The following AP3B2 variants were observed in gnomAD, a reference collection of about 807,000 sequenced individuals.
AP3B2 encodes the protein adaptor related protein complex 3 subunit beta 2, also known as AP-3 complex subunit beta-2.
Under a neutral mutation model 126.9 loss-of-function variants are expected in AP3B2, and 50 were observed. The observed-to-expected ratio is 0.39, with a 90% CI of 0.31 to 0.50. The LOEUF (loss-of-function observed/expected upper bound fraction) is 0.50. Ranked by LOEUF, AP3B2 falls within the 20% of genes least tolerant of loss-of-function variation. The pLI is 0.79. For synonymous variants in AP3B2, 541 were observed against 565.0 expected, an observed-to-expected ratio of 0.96 and a Z score of 0.60; for missense variants, 1,177 against 1,426.4, an observed-to-expected ratio of 0.83 and a Z score of 2.82.
chr15:82,697,359 A>C (rs2048645538), intron 1 of AP3B2, among the ~76,000 whole-genome samples: 1 of 152,084 alleles, frequency 6.6e-6, no homozygotes, highest in Non-Finnish European at 1.5e-5. Flanking sequence ...AAAAAAAATC[A>C]ATGTGTGCAA....
chr15:82,665,223 G>C lies in AP3B2; in HGVS notation c.2028+24C>G. 6.5e-7 allele frequency: 1 copy of C among 1,535,694 alleles called. No individual in the cohort carries two copies. On this transcript the variant is annotated intron_variant, in intron 17 of 26. Transcript: ENST00000535359. The surrounding 1 kb of genome is among the most constrained non-coding windows in gnomAD (Gnocchi z 4.4). ...GGACACAGACAGGGCAGGGGAGAGA[G>C]CACACGTCACACGAAGGTGGGACCT... is the stretch of plus-strand genomic sequence containing the variant.
In AP3B2 at chr15:82,664,518, C is replaced by T. The variant is rs188545711; in HGVS notation, c.2138-28G>A. ...GTGGAGGAACAATATGAGGCCTCCT[C>T]CCTCATATGCAGGCCTCCTTGGGTC... On this transcript the variant is annotated intron_variant, in intron 18 of 26. Coordinates refer to ENST00000535359, the MANE Select transcript of AP3B2 (RefSeq NM_001278512.2). This position sits in a 1 kb window ranked among gnomAD's most constrained non-coding sequence, Gnocchi z 4.5. The T allele has an allele frequency of 1.5e-4, 247 of 1,600,610 alleles. 2 individuals carry two copies. The highest frequency in any genetic ancestry group is 6.9e-5 in the Admixed American group (4 of 57,722).
chr15:82,682,926 A>G (rs1445386555), intron 4 of AP3B2, among the ~76,000 whole-genome samples: 1 of 40,646 alleles, frequency 2.5e-5, no homozygotes, highest in Non-Finnish European at 8.3e-5. Flanking sequence ...AGTCTCTACA[A>G]AAAAAAAAAA....
chr15:82,661,928 A>T lies in AP3B2; in HGVS notation c.2919-6T>A, dbSNP rs1411611944. On this transcript the variant is annotated splice_region_variant and splice_polypyrimidine_tract_variant and intron_variant, in intron 24 of 26. Transcript: ENST00000535359. The stretch of plus-strand genomic sequence containing the variant: ...AGAACTGTCGGGTCTGGGTGCTGGG[A>T]GGGGTGGGAGGAAACGGAGAAGAAT... 8.7e-6 allele frequency: 14 copies of T among 1,606,786 alleles called. No individual in the cohort carries two copies. The East Asian group carries it at 1.6e-4, about 18-fold the overall frequency.
Position 82,688,440 on chromosome 15 carries a change from C to G in AP3B2, c.360+296G>C, listed in dbSNP as rs575777863. On this transcript the variant is annotated intron_variant, in intron 4 of 26. Transcript: ENST00000535359. ...TTGAGGGGTTCTCCATTGCTAGAGA[C>G]TCTCCACTCTCCGGGGGCTCAAGTG... The G allele has an allele frequency of 7.1e-6, 5 of 701,970 alleles. No individual in the cohort carries two copies. In the East Asian group the frequency reaches 1.3e-4, roughly 19 times the overall value. 43.5% of individuals were successfully genotyped at this position (701,970 alleles called of 1,614,324 possible).
At position 82,659,687 on chromosome 15, in the gene AP3B2, C is replaced by A; in HGVS notation, c.3179G>T (p.Gly1060Val). 1 of 1,613,900 alleles carries A rather than the reference C, an allele frequency of 6.2e-7. No individual in the cohort carries two copies. Among genetic ancestry groups the A allele is most frequent in the Non-Finnish European group, 8.5e-7 (1 of 1,179,858 alleles). ...EYRFAGRTLT[G>V]GSLVLLTLDA... ...CAGGGTCAGCAGAACGAGGCTTCCACCAGTCAGTGTCCTCCCTGCAAACCT... is the reference window on the plus strand; with the variant it reads ...CAGGGTCAGCAGAACGAGGCTTCCAACAGTCAGTGTCCTCCCTGCAAACCT... Residue 1060 changes from glycine (G) to valine (V), a missense_variant, in exon 27 of 27, where the codon GGT becomes GTT. This residue lies in a region of AP3B2 where 587 missense variants were observed against 571.3 expected (regional missense o/e 1.03). Coordinates refer to ENST00000535359, the MANE Select transcript of AP3B2 (RefSeq NM_001278512.2).
intron 22 of AP3B2, 44 bp from the exon 23 acceptor site, chr15:82,662,966 G>C: frequency 6.3e-6 from 10 of 1,581,916 alleles, no homozygotes; most frequent in Non-Finnish European, 8.6e-6. Flanking sequence ...GCAAGATGGA[G>C]AGAGCCTGTC....
At position 82,662,232 on chromosome 15, in the gene AP3B2, A is replaced by G. The variant is rs1438891892; in HGVS notation, c.2854T>C (p.Ser952Pro). ...TTAATGCCCATTACAGCAGTGGCAG[A>G]TTCTCCAGGTGCCAGGGACTCTGAA... ...PEIESLAPGESATAVMGINFC... is the reference protein window; with the variant it reads ...PEIESLAPGEPATAVMGINFC... The change falls in exon 24 of 27, where the codon TCT becomes CCT. Residue 952 changes from serine (S) to proline (P), a missense_variant. Physicochemically the swap from Ser to Pro is moderately conservative, Grantham distance 74. Around this residue, in one of 5 missense-constraint regions of AP3B2, gnomAD observed 587 missense variants for 571.3 expected, o/e 1.03. Transcript: ENST00000535359. 1 of 1,600,364 alleles carries G rather than the reference A, an allele frequency of 6.2e-7. No individual in the cohort carries two copies. Among genetic ancestry groups the G allele is most frequent in the East Asian group, 2.2e-5 (1 of 44,574 alleles).
At chr15:82,670,118 G>A (rs1444823293) in intron 14 of AP3B2, among the ~76,000 whole-genome samples, 1 of 136,380 alleles carries the variant, frequency 7.3e-6, no homozygotes, top group South Asian at 2.4e-4. Context: ...TTTTTGGCGG[G>A]GGGGGACGAA....
chr15:82,663,370 A>G, intron 21 of AP3B2, 137 bp from the exon 22 acceptor site: 1 of 968,474 alleles, frequency 1.0e-6, no homozygotes, highest in Non-Finnish European at 1.6e-6. Context: ...CTCGCAAAAT[A>G]CCCATTCCTA....
intron 14 of AP3B2, among the ~76,000 whole-genome samples, chr15:82,668,968 A>G (rs547416433): frequency 3.9e-5 from 6 of 152,362 alleles, no homozygotes; most frequent in African/African-American, 1.2e-4. Context: ...CTGTTAAAAA[A>G]AATTGAAATA....
In AP3B2 at chr15:82,681,159, C is replaced by T. The variant is rs759379257; in HGVS notation, c.541G>A (p.Asp181Asn). ...KLYSLDSDQKDQLIEVIEKLL... is the reference protein window; with the variant it reads ...KLYSLDSDQKNQLIEVIEKLL... The stretch of plus-strand genomic sequence containing the variant: ...TTCTCAATGACTTCTATCAGCTGAT[C>T]CTTCTGGTCAGAGTCCAAACTGAGG... The change falls in exon 6 of 27, where the codon GAT becomes AAT. Residue 181 changes from aspartate (D) to asparagine (N), a missense_variant. By Grantham distance (23) the Asp-to-Asn change is conservative. Transcript: ENST00000535359. The surrounding 1 kb of genome is among the most constrained non-coding windows in gnomAD (Gnocchi z 4.0). The T allele has an allele frequency of 1.9e-6, 3 of 1,612,538 alleles. No individual in the cohort carries two copies. Among genetic ancestry groups the T allele is most frequent in the African/African-American group, 1.3e-5 (1 of 75,006 alleles).
In AP3B2 at chr15:82,681,655, G is replaced by GTCACTGTCCCCAGCGA. The variant is rs1481006850; in HGVS notation, c.361-91_361-76dup. On this transcript the variant is annotated intron_variant, in intron 4 of 26. Transcript: ENST00000535359. This position sits in a 1 kb window ranked among gnomAD's most constrained non-coding sequence, Gnocchi z 4.0. ...ATGGGGGGAGGCCACACCTTTGGAAGTCACTGTCCCCAGCGACCACTAGCT... is the reference window on the plus strand; with the variant it reads ...ATGGGGGGAGGCCACACCTTTGGAAGTCACTGTCCCCAGCGATCACTGTCCCCAGCGACCACTAGCT... 249 of 1,496,782 alleles carry GTCACTGTCCCCAGCGA rather than the reference G, an allele frequency of 1.7e-4. No homozygotes were observed. The highest frequency in any genetic ancestry group is 3.8e-4 in the Admixed American group (20 of 52,654). 92.7% of individuals were successfully genotyped at this position (1,496,782 alleles called of 1,614,324 possible).
At chr15:82,708,996 A>G (rs944148622) in intron 1 of AP3B2, 2 of 152,372 alleles carry the variant, frequency 1.3e-5, no homozygotes, top group Non-Finnish European at 2.9e-5. Context: ...ATTTACGAAT[A>G]AACAAATGAA....
At chr15:82,707,867 A>G (rs1349647831) in intron 1 of AP3B2, among the ~76,000 whole-genome samples, 2 of 151,198 alleles carry the variant, frequency 1.3e-5, no homozygotes, top group Non-Finnish European at 2.9e-5. Flanking sequence ...AATCTCTCCC[A>G]CTCTAGGTTC....
intron 4 of AP3B2, among the ~76,000 whole-genome samples, chr15:82,683,059 T>G (rs1170479648): frequency 8.3e-6 from 1 of 120,762 alleles, no homozygotes; most frequent in East Asian, 2.1e-4. Flanking sequence ...TTTTTTTTTT[T>G]TTTTTTTTTT....
intron 10 of AP3B2, 78 bp downstream of exon 10, chr15:82,679,651 G>T: frequency 2.2e-6 from 3 of 1,349,752 alleles, no homozygotes; most frequent in African/African-American, 2.9e-5. Flanking sequence ...GGCACCAGGG[G>T]GGCCACTGTG....
intron 4 of AP3B2, among the ~76,000 whole-genome samples, chr15:82,682,112 T>G (rs963949582): frequency 1.0e-4 from 13 of 130,368 alleles, no homozygotes; most frequent in African/African-American, 3.5e-4. Context: ...AGTGCGGTGG[T>G]GCAATCTCGG....
chr15:82,678,507 C>T (rs2048280277), intron 10 of AP3B2, among the ~76,000 whole-genome samples: 1 of 152,126 alleles, frequency 6.6e-6, no homozygotes, highest in South Asian at 2.1e-4. Flanking sequence ...GTCTACCTCC[C>T]ATCTCCCATC....
Sources: allele counts gnomAD v4.1 joint callset (sites outside exome capture counted in the v4.1 genomes callset), GRCh38; gene constraint gnomAD v4.1.1; regional missense constraint gnomAD v4.1.1; non-coding constraint Gnocchi (gnomAD v3.1); transcripts MANE v1.5; gene names NCBI Gene and HGNC (gene_info 2026-07-23, HGNC 2026-07-21).